The following HS2ST1 variants were observed in gnomAD, a reference collection of about 807,000 sequenced individuals.
HS2ST1 encodes 2-O-sulfotransferase.
Under a neutral mutation model 42.9 loss-of-function variants are expected in HS2ST1, and 18 were observed. The ratio of observed to expected loss-of-function variants is 0.42; its 90% CI spans 0.29 to 0.62. HS2ST1 has a LOEUF of 0.62. Ranked by LOEUF, HS2ST1 falls within the 20% of genes least tolerant of loss-of-function variation. The pLI is 0.21. For missense variants in HS2ST1, 334 were observed against 433.8 expected (o/e 0.77, Z 2.04); for synonymous variants, 146 against 152.9 (o/e 0.95, Z 0.33).
chr1:86,937,204 C>G (rs1219626781), intron 1 of HS2ST1, among the ~76,000 whole-genome samples: 1 of 152,094 alleles, frequency 6.6e-6, no homozygotes, highest in Non-Finnish European at 1.5e-5. Context: ...ATAGACTTAT[C>G]AAAATTGTAT....
intron 1 of HS2ST1, among the ~76,000 whole-genome samples, chr1:86,985,545 CATATATAT>C (rs200263723): frequency 0.55 from 32,051 of 58,646 alleles, 9,307 homozygotes; most frequent in East Asian, 0.88. Flanking sequence ...TATATACACA[CATATATAT>C]ACACACACAC....
In HS2ST1 at chr1:86,915,045, C is replaced by T. The variant is rs775678278; in HGVS notation, c.9C>T (p.Leu3=). Residue 3 remains leucine (L), a synonymous_variant, in exon 1 of 7, where the codon CTC becomes CTT. Coordinates refer to ENST00000370550, the MANE Select transcript of HS2ST1 (RefSeq NM_012262.4). ...CCCGAGCAGCGGGTTTCATGGGGCTCCTCAGGATTATGATGCCGCCCAAGT... is the reference window on the plus strand; with the variant it reads ...CCCGAGCAGCGGGTTTCATGGGGCTTCTCAGGATTATGATGCCGCCCAAGT... MG[L]LRIMMPPKLQ... 5 of 1,614,132 alleles carry T rather than the reference C, an allele frequency of 3.1e-6. No individual in the cohort carries two copies. Among genetic ancestry groups the T allele is most frequent in the African/African-American group, 2.7e-5 (2 of 75,048 alleles).
At chr1:87,026,016 C>T (rs1380118855) in intron 1 of HS2ST1, among the ~76,000 whole-genome samples, 1 of 152,128 alleles carries the variant, frequency 6.6e-6, no homozygotes, top group Non-Finnish European at 1.5e-5. Flanking sequence ...TATTCTTATT[C>T]TTCTTTGCTA....
intron 1 of HS2ST1, among the ~76,000 whole-genome samples, chr1:87,005,233 G>A (rs1372045251): frequency 6.6e-6 from 1 of 152,132 alleles, no homozygotes; most frequent in Non-Finnish European, 1.5e-5. Context: ...TTCTGTACAT[G>A]TTGGTTTTGT....
intron 1 of HS2ST1, among the ~76,000 whole-genome samples, chr1:86,987,471 G>A (rs1302783424): frequency 2.0e-5 from 3 of 152,134 alleles, no homozygotes; most frequent in Non-Finnish European, 2.9e-5. Flanking sequence ...AAAGGAGCAG[G>A]TTGAGCTTCC....
At chr1:86,996,367 G>C (rs957410108) in intron 1 of HS2ST1, among the ~76,000 whole-genome samples, 1 of 150,856 alleles carries the variant, frequency 6.6e-6, no homozygotes, top group Non-Finnish European at 1.5e-5. Flanking sequence ...GCTTGAACCC[G>C]GGAGGCAGAG....
chr1:87,077,572 T>C lies in HS2ST1; in HGVS notation c.363+4400T>C, dbSNP rs542151557. ...ATCACTCTTGTTGTGTCTTCTCTGG[T>C]ACTAATCAGCTTACTAACTTATCTT... On this transcript the variant is annotated intron_variant, in intron 2 of 6. Coordinates refer to ENST00000370550, the MANE Select transcript of HS2ST1 (RefSeq NM_012262.4). Among the ~76,000 whole-genome samples the C allele has an allele frequency of 1.2e-3, 181 of 152,370 alleles. 1 individual carries two copies. The highest frequency in any genetic ancestry group is 4.1e-3 in the African/African-American group (170 of 41,590).
At chr1:87,018,510 A>C (rs892209772) in intron 1 of HS2ST1, among the ~76,000 whole-genome samples, 1 of 152,164 alleles carries the variant, frequency 6.6e-6, no homozygotes. Flanking sequence ...CCTGCAGTGC[A>C]TGGAAACCAG....
intron 3 of HS2ST1, among the ~76,000 whole-genome samples, chr1:87,088,392 C>T (rs1409071248): frequency 6.6e-6 from 1 of 151,992 alleles, no homozygotes; most frequent in Non-Finnish European, 1.5e-5. Context: ...TAATTTGATG[C>T]ACATATCAGT....
At chr1:86,977,751 G>T (rs1648461028) in intron 1 of HS2ST1, among the ~76,000 whole-genome samples, 1 of 152,134 alleles carries the variant, frequency 6.6e-6, no homozygotes, top group Non-Finnish European at 1.5e-5. Flanking sequence ...TGCTTTTATG[G>T]CTAACTACTT....
intron 2 of HS2ST1, among the ~76,000 whole-genome samples, chr1:87,081,963 T>C (rs954619992): frequency 7.6e-6 from 1 of 132,238 alleles, no homozygotes; most frequent in East Asian, 2.1e-4. Context: ...ACAGCAAGAC[T>C]CCGTCTCAAA....
chr1:87,017,214 G>A (rs1371902764), intron 1 of HS2ST1, among the ~76,000 whole-genome samples: 1 of 152,074 alleles, frequency 6.6e-6, no homozygotes, highest in African/African-American at 2.4e-5. Context: ...TCGGCTCACT[G>A]CAACCTCCGC....
chr1:86,954,040 TAAAAAAAAAAAAA>T (rs367757359), intron 1 of HS2ST1, among the ~76,000 whole-genome samples: 5 of 67,336 alleles, frequency 7.4e-5, no homozygotes, highest in East Asian at 9.9e-4. Flanking sequence ...CTGTTTTTTT[TAAAAAAAAAAAAA>T]AAAAAAAAAA....
At chr1:87,089,401 C>T (rs1421963488) in intron 3 of HS2ST1, among the ~76,000 whole-genome samples, 2 of 152,010 alleles carry the variant, frequency 1.3e-5, no homozygotes, top group Non-Finnish European at 2.9e-5. Context: ...TCTAACAGGT[C>T]AACAGTAGTT....
chr1:86,983,664 A>G (rs1459100468), intron 1 of HS2ST1, among the ~76,000 whole-genome samples: 4 of 152,158 alleles, frequency 2.6e-5, no homozygotes, highest in African/African-American at 9.7e-5. Context: ...TCTTAGCACA[A>G]CAATACGGTA....
chr1:86,937,232 T>C (rs1440884523), intron 1 of HS2ST1, among the ~76,000 whole-genome samples: 2 of 152,180 alleles, frequency 1.3e-5, no homozygotes, highest in Non-Finnish European at 2.9e-5. Flanking sequence ...TTTTAAAGGA[T>C]CAAAATACTG....
At chr1:87,101,149 G>GTGTGTGTT (rs1557546421) in intron 5 of HS2ST1, among the ~76,000 whole-genome samples, 8 of 59,540 alleles carry the variant, frequency 1.3e-4, no homozygotes, top group Admixed American at 8.4e-4. Flanking sequence ...GTGTGTGTGT[G>GTGTGTGTT]TTTTTTGTTT....
intron 5 of HS2ST1, 133 bp downstream of exon 5, chr1:87,098,068 A>T (rs111320151): frequency 3.4e-6 from 5 of 1,457,498 alleles, no homozygotes; most frequent in East Asian, 2.5e-5. Flanking sequence ...ATTCAGTAAT[A>T]TCTAGTTTTG....
chr1:87,042,262 C>T (rs1432345475), intron 1 of HS2ST1, among the ~76,000 whole-genome samples: 3 of 152,038 alleles, frequency 2.0e-5, no homozygotes, highest in East Asian at 1.9e-4. Flanking sequence ...ATATATTCTC[C>T]GATCTTGTAG....
Sources: allele counts gnomAD v4.1 joint callset (sites outside exome capture counted in the v4.1 genomes callset), GRCh38; gene constraint gnomAD v4.1.1; transcripts MANE v1.5; gene names NCBI Gene and HGNC (gene_info 2026-07-23, HGNC 2026-07-21).